Variants in TEC observed in about 807,000 individuals in gnomAD.
The protein encoded by TEC is tec protein tyrosine kinase, also known as tyrosine-protein kinase Tec.
Under a neutral mutation model 93.0 loss-of-function variants are expected in TEC, and 72 were observed. The observed-to-expected ratio is 0.77, with a 90% CI of 0.64 to 0.94. The LOEUF is 0.94. Among genes scored for constraint, TEC ranks in the 40% least tolerant of loss-of-function variants. The probability of loss-of-function intolerance (pLI) is 0.00; values close to 1 mark genes in which losing one functional copy is unlikely to be tolerated. For missense variants in TEC, 630 were observed against 757.9 expected, an observed-to-expected ratio of 0.83 and a Z score of 1.98; for synonymous variants, 249 against 247.7, an observed-to-expected ratio of 1.01 and a Z score of -0.05.
chr4:48,234,808 G>GGAGGAGAAGGAGGAAAAGGTAGCA (rs1291861707), intron 1 of TEC, among the ~76,000 whole-genome samples: 7 of 152,184 alleles, frequency 4.6e-5, no homozygotes, highest in African/African-American at 1.7e-4. Flanking sequence ...CATGGTAGTA[G>GGAGGAGAAGGAGGAAAAGGTAGCA]GAGGAGAAGG....
At position 48,137,645 on chromosome 4, in the gene TEC, G is replaced by C. The variant is rs763536401; in HGVS notation, c.1813-146C>G. 681 of 651,020 alleles carry C rather than the reference G, an allele frequency of 1.0e-3. 1 individual carries two copies. Among genetic ancestry groups the C allele is most frequent in the Non-Finnish European group, 1.6e-3 (601 of 374,714 alleles). 40.3% of individuals were successfully genotyped at this position (651,020 alleles called of 1,614,324 possible). ...ATACAGGCATCTCCAAAGGGGTCTTGTCTCTACCCTAATTTACCCTGCATG... is the reference window on the plus strand; with the variant it reads ...ATACAGGCATCTCCAAAGGGGTCTTCTCTCTACCCTAATTTACCCTGCATG... On this transcript the variant is annotated intron_variant, in intron 17 of 17. Transcript: ENST00000381501.
intron 2 of TEC, among the ~76,000 whole-genome samples, chr4:48,214,328 G>T (rs1022288235): frequency 6.6e-6 from 1 of 152,170 alleles, no homozygotes; most frequent in Non-Finnish European, 1.5e-5. Context: ...CACTTAAAAG[G>T]ATTTGGGATG....
intron 8 of TEC, among the ~76,000 whole-genome samples, chr4:48,160,191 A>G (rs1720570873): frequency 6.6e-6 from 1 of 152,240 alleles, no homozygotes; most frequent in South Asian, 2.1e-4. Flanking sequence ...CAGCTGGGAA[A>G]CAGCAAAGCC....
At chr4:48,223,703 T>C (rs1723340849) in intron 2 of TEC, among the ~76,000 whole-genome samples, 1 of 152,238 alleles carries the variant, frequency 6.6e-6, no homozygotes, top group African/African-American at 2.4e-5. Context: ...AAGGCCTGTT[T>C]ACAAGGCTGA....
chr4:48,140,233 A>G (rs1452665257), intron 15 of TEC, among the ~76,000 whole-genome samples: 1 of 152,208 alleles, frequency 6.6e-6, no homozygotes, highest in Non-Finnish European at 1.5e-5. Context: ...ATTTATGAGC[A>G]TTCCTGGCGC....
At chr4:48,260,455 A>G (rs1435613939) in intron 1 of TEC, among the ~76,000 whole-genome samples, 1 of 152,154 alleles carries the variant, frequency 6.6e-6, no homozygotes, top group African/African-American at 2.4e-5. Flanking sequence ...ATGCAGTCAT[A>G]TGCATCTGCA....
chr4:48,245,559 T>C (rs913301702), intron 1 of TEC, among the ~76,000 whole-genome samples: 3 of 152,248 alleles, frequency 2.0e-5, no homozygotes, highest in Admixed American at 1.3e-4. Flanking sequence ...TTTAAGTGCT[T>C]GCTATCAGTA....
Position 48,214,529 on chromosome 4 carries a change from T to C in TEC, c.138+13948A>G, listed in dbSNP as rs919182162. ...ACTTCATGTACCCATACTACCATTC[T>C]GTTTTTCACTTTTAGTACAGTATTT... On this transcript the variant is annotated intron_variant, in intron 2 of 17. Coordinates refer to ENST00000381501, the MANE Select transcript of TEC (RefSeq NM_003215.3). Among the ~76,000 whole-genome samples the C allele has an allele frequency of 3.9e-5, 6 of 152,234 alleles. No individual in the cohort carries two copies. The South Asian group carries it at 6.2e-4, about 16-fold the overall frequency.
intron 17 of TEC, 61 bp downstream of exon 17, chr4:48,138,604 A>C: frequency 6.5e-7 from 1 of 1,528,510 alleles, no homozygotes; most frequent in South Asian, 1.3e-5. Flanking sequence ...ACTGCATGTT[A>C]TCCATCTACC....
chr4:48,162,528 C>T (rs543793443), intron 8 of TEC, among the ~76,000 whole-genome samples: 2 of 152,184 alleles, frequency 1.3e-5, no homozygotes, highest in East Asian at 1.9e-4. Context: ...CAAGTTTTCA[C>T]CTTTTAGCAC....
At chr4:48,266,357 A>G (rs1391558752) in intron 1 of TEC, among the ~76,000 whole-genome samples, 1 of 152,222 alleles carries the variant, frequency 6.6e-6, no homozygotes, top group East Asian at 1.9e-4. Context: ...AAGTGTGCCA[A>G]TGTACCAAAG....
chr4:48,214,354 G>A (rs1217350155), intron 2 of TEC, among the ~76,000 whole-genome samples: 2 of 152,190 alleles, frequency 1.3e-5, no homozygotes, highest in Non-Finnish European at 2.9e-5. Context: ...TGAGTAAATA[G>A]ACAGGAGAAG....
intron 2 of TEC, among the ~76,000 whole-genome samples, chr4:48,194,265 C>G (rs976262783): frequency 1.3e-5 from 2 of 152,240 alleles, no homozygotes; most frequent in African/African-American, 4.8e-5. Flanking sequence ...AAGAGCCCCA[C>G]TCCCTGCTTA....
chr4:48,174,704 A>T, intron 3 of TEC, among the ~76,000 whole-genome samples: 1 of 152,150 alleles, frequency 6.6e-6, no homozygotes, highest in South Asian at 2.1e-4. Context: ...GTTCTCTGCT[A>T]AATTTCCATT....
intron 1 of TEC, among the ~76,000 whole-genome samples, chr4:48,266,831 T>C (rs1390900890): frequency 4.1e-5 from 5 of 122,066 alleles, no homozygotes; most frequent in Non-Finnish European, 9.1e-5. Flanking sequence ...AGAGCAAAAC[T>C]CTGTCTCAAA....
At chr4:48,177,378 G>T (rs1961974) in intron 2 of TEC, among the ~76,000 whole-genome samples, 57,674 of 152,060 alleles carry the variant, frequency 0.38, 11,954 homozygotes, top group East Asian at 0.9. Flanking sequence ...GTAGAGAAAT[G>T]AAGAACATCG....
intron 1 of TEC, among the ~76,000 whole-genome samples, chr4:48,248,168 T>A (rs1724109240): frequency 6.6e-6 from 1 of 152,238 alleles, no homozygotes; most frequent in East Asian, 1.9e-4. Flanking sequence ...GTTCTATCAG[T>A]TAGCTTTTGA....
At position 48,137,041 on chromosome 4, in the gene TEC, C is replaced by A; in HGVS notation, c.*375G>T. The A allele has an allele frequency of 5.4e-6, 1 of 186,892 alleles. No homozygotes were observed. Among genetic ancestry groups the A allele is most frequent in the Admixed American group, 5.9e-5 (1 of 16,946 alleles). The allele number at this position is 186,892 out of a possible 1,614,324, so 11.6% of individuals were successfully genotyped here. ...AAAAAGAAGGGTTGCTTGGTCATGA[C>A]TCTAATACCCTTCCCCTTCCCAAAT... On this transcript the variant is annotated 3_prime_UTR_variant, in exon 18 of 18. Transcript: ENST00000381501.
intron 15 of TEC, among the ~76,000 whole-genome samples, chr4:48,140,241 C>T (rs1197135482): frequency 6.6e-6 from 1 of 152,192 alleles, no homozygotes; most frequent in Non-Finnish European, 1.5e-5. Context: ...GCATTCCTGG[C>T]GCTGCCCGTT....
Sources: allele counts gnomAD v4.1 joint callset (sites outside exome capture counted in the v4.1 genomes callset), GRCh38; gene constraint gnomAD v4.1.1; transcripts MANE v1.5; gene names NCBI Gene and HGNC (gene_info 2026-07-23, HGNC 2026-07-21).